The following UGP2 variants were observed in gnomAD, a reference collection of about 807,000 sequenced individuals.
UGP2 encodes UDP-glucose pyrophosphorylase 2, also known as UTP--glucose-1-phosphate uridylyltransferase.
In UGP2, 40 loss-of-function variants were observed where a neutral mutation model predicts 49.0. That is an observed-to-expected ratio of 0.82 (90% confidence interval 0.63 to 1.06). The LOEUF (loss-of-function observed/expected upper bound fraction) is 1.06. UGP2 is among the 50% of genes least tolerant of loss of function. The probability of loss-of-function intolerance (pLI) is 0.00; values close to 1 mark genes in which losing one functional copy is unlikely to be tolerated. For synonymous variants in UGP2, 225 were observed against 213.0 expected (o/e 1.06, Z -0.49); for missense variants, 460 against 603.5 (o/e 0.76, Z 2.49).
chr2:63,846,808 G>T (rs1025933517), intron 1 of UGP2, among the ~76,000 whole-genome samples: 7 of 152,176 alleles, frequency 4.6e-5, no homozygotes, highest in African/African-American at 1.4e-4. Context: ...TTAGCACAGG[G>T]ATAGTGGCAT....
chr2:63,859,029 C>G (rs1282234633), intron 3 of UGP2, among the ~76,000 whole-genome samples: 1 of 150,524 alleles, frequency 6.6e-6, no homozygotes, highest in Non-Finnish European at 1.5e-5. Context: ...CAGTCTCACT[C>G]TGTCACCCAA....
At chr2:63,857,677 T>C (rs1669539219) in intron 2 of UGP2, 152 bp from the exon 3 acceptor site, 1 of 798,078 alleles carries the variant, frequency 1.3e-6, no homozygotes, top group East Asian at 2.7e-5. Flanking sequence ...GTATTAGCTT[T>C]TAGGATGTGA....
intron 3 of UGP2, chr2:63,862,705 A>C (rs1019907095): frequency 1.2e-5 from 5 of 413,964 alleles, no homozygotes; most frequent in African/African-American, 1.0e-4. Flanking sequence ...TCATTAGGAA[A>C]ATCAGAGTGT....
chr2:63,861,724 T>C (rs377082521), intron 3 of UGP2, among the ~76,000 whole-genome samples: 2 of 151,810 alleles, frequency 1.3e-5, no homozygotes, highest in South Asian at 2.1e-4. Context: ...ACTTTTTCAT[T>C]TCAATATTTA....
intron 8 of UGP2, chr2:63,888,419 C>G (rs1347121741): frequency 1.3e-5 from 2 of 152,096 alleles, no homozygotes; most frequent in African/African-American, 4.8e-5. Flanking sequence ...AAAAATATCA[C>G]CAAATTTTAA....
At position 63,887,415 on chromosome 2, in the gene UGP2, G is replaced by T; in HGVS notation, c.1085G>T (p.Gly362Val). The T allele has an allele frequency of 6.2e-7, 1 of 1,613,996 alleles. No homozygotes were observed. The highest frequency in any genetic ancestry group is 8.5e-7 in the Non-Finnish European group (1 of 1,180,006). ...AATTTCTTACAGACTTTGGATGGAGGCCTGAATGTCATTCAATTAGAAACT... is the reference window on the plus strand; with the variant it reads ...AATTTCTTACAGACTTTGGATGGAGTCCTGAATGTCATTCAATTAGAAACT... ...IIVNAKTLDG[G>V]LNVIQLETAV... is the part of the protein sequence containing the mutation. The change falls in exon 8 of 10, where the codon GGC (glycine) becomes GTC (valine). Residue 362 changes from glycine (G) to valine (V), a missense_variant. Gly to Val is a moderately radical substitution (Grantham distance 109). Coordinates refer to ENST00000337130, the MANE Select transcript of UGP2 (RefSeq NM_006759.4).
chr2:63,857,382 G>C (rs1157244027), intron 2 of UGP2, among the ~76,000 whole-genome samples: 1 of 150,930 alleles, frequency 6.6e-6, no homozygotes, highest in African/African-American at 2.4e-5. Flanking sequence ...GTTTGTTTTT[G>C]AGACAGGATC....
intron 3 of UGP2, among the ~76,000 whole-genome samples, chr2:63,864,961 C>A (rs60759358): frequency 1.5e-3 from 228 of 152,286 alleles, no homozygotes; most frequent in African/African-American, 5.2e-3. Context: ...AACATAAATT[C>A]ATAAATAAGT....
rs1463286308 is a variant in UGP2 at position 63,852,035 on chromosome 2, C to G, written c.20-4271C>G. ...CTCCAAAGTGCTGTGACAGATTATA[C>G]CCTTATGGCTTACTGGCCAGAATCA... On this transcript the variant is annotated intron_variant, in intron 1 of 9. Transcript: ENST00000337130. Among the ~76,000 whole-genome samples, 4 of 152,098 alleles carry G rather than the reference C, an allele frequency of 2.6e-5. No individual in the cohort carries two copies. In the East Asian group the frequency reaches 7.7e-4, roughly 29 times the overall value.
chr2:63,855,794 G>T (rs1028852570), intron 1 of UGP2: 17 of 292,174 alleles, frequency 5.8e-5, no homozygotes, highest in Non-Finnish European at 9.5e-5. Context: ...ACCCGCCTCA[G>T]CCTCCCACAG....
intron 3 of UGP2, among the ~76,000 whole-genome samples, chr2:63,868,706 GTAATCCCAGCACTTT>G (rs1467862693): frequency 5.3e-5 from 8 of 152,126 alleles, no homozygotes; most frequent in African/African-American, 7.2e-5. Context: ...GCTCACACCT[GTAATCCCAGCACTTT>G]TAATCCCAGC....
chr2:63,874,153 AAGTC>A (rs1670750687), intron 3 of UGP2, among the ~76,000 whole-genome samples: 1 of 152,202 alleles, frequency 6.6e-6, no homozygotes, highest in African/African-American at 2.4e-5. Flanking sequence ...GCCCAGCTGA[AAGTC>A]AGGGTTCTAA....
intron 3 of UGP2, among the ~76,000 whole-genome samples, chr2:63,869,847 C>A (rs986796589): frequency 1.3e-5 from 2 of 151,984 alleles, no homozygotes; most frequent in African/African-American, 4.8e-5. Flanking sequence ...AGGACTCATC[C>A]ATCACTGGAA....
chr2:63,862,615 G>C (rs867509440), intron 3 of UGP2, among the ~76,000 whole-genome samples: 1 of 152,088 alleles, frequency 6.6e-6, no homozygotes, highest in Non-Finnish European at 1.5e-5. Context: ...ATAGACTCCC[G>C]GTTTTATTGT....
At chr2:63,874,591 C>G (rs1670783540) in intron 3 of UGP2, among the ~76,000 whole-genome samples, 1 of 152,100 alleles carries the variant, frequency 6.6e-6, no homozygotes, top group African/African-American at 2.4e-5. Flanking sequence ...AGGGACTGGT[C>G]TGTTGTGTCA....
intron 3 of UGP2, among the ~76,000 whole-genome samples, chr2:63,870,998 C>T (rs988203279): frequency 1.8e-4 from 28 of 152,184 alleles, no homozygotes; most frequent in African/African-American, 6.5e-4. Context: ...ACATGTGTGA[C>T]TGCACATACA....
Position 63,882,531 on chromosome 2 carries a change from A to G in UGP2, c.321A>G (p.Lys107=), listed in dbSNP as rs758391186. 5 of 1,613,284 alleles carry G rather than the reference A, an allele frequency of 3.1e-6. No homozygotes were observed. The African/African-American group carries it at 6.7e-5, about 22-fold the overall frequency. ...ATAATATATCTTCCGTGTTGAACAAACTAGTGGTGGTGAAACTCAATGGTG... is the reference window on the plus strand; with the variant it reads ...ATAATATATCTTCCGTGTTGAACAAGCTAGTGGTGGTGAAACTCAATGGTG... ...LPDNISSVLN[K]LVVVKLNGGL... The change falls in exon 4 of 10, where the codon AAA becomes AAG. Residue 107 remains lysine (K), a synonymous_variant. Coordinates refer to ENST00000337130, the MANE Select transcript of UGP2 (RefSeq NM_006759.4).
intron 3 of UGP2, among the ~76,000 whole-genome samples, chr2:63,877,855 C>T (rs965563903): frequency 6.6e-6 from 1 of 150,742 alleles, no homozygotes; most frequent in Non-Finnish European, 1.5e-5. Flanking sequence ...TAGCCGGGCG[C>T]GGTGGCGGGC....
At chr2:63,841,442 C>T (rs1671526878), upstream of UGP2, among the ~76,000 whole-genome samples, 1 of 152,100 alleles carries the variant, frequency 6.6e-6, no homozygotes, top group Non-Finnish European at 1.5e-5. Context: ...GGGTCTGCCT[C>T]TAGCCGGTGA....
Sources: gnomAD v4.1 joint callset for allele counts (sites outside exome capture counted in the v4.1 genomes callset) on GRCh38, gnomAD v4.1.1 for gene constraint, MANE v1.5 for transcripts, NCBI Gene and HGNC (gene_info 2026-07-23, HGNC 2026-07-21) for gene names.